C8A: variants seen among roughly 807,000 people sequenced by gnomAD.
C8A encodes complement C8 alpha chain, also known as complement component C8 alpha chain.
Under a neutral mutation model 65.3 loss-of-function variants are expected in C8A, and 67 were observed. The observed-to-expected ratio is 1.03, with a 90% CI of 0.84 to 1.26. The LOEUF (loss-of-function observed/expected upper bound fraction) is 1.26, where lower values mean the gene tolerates loss of function less well. C8A is among the 50% of genes most tolerant of loss of function. The pLI is 0.00. For synonymous variants in C8A, 290 were observed against 259.4 expected (o/e 1.12, Z -1.13); for missense variants, 781 against 723.9 (o/e 1.08, Z -0.90).
At position 56,874,003 on chromosome 1, in the gene C8A, G is replaced by C. The variant is rs376264560; in HGVS notation, c.172-946G>C. Among the ~76,000 whole-genome samples, 6 of 152,238 alleles carry C rather than the reference G, an allele frequency of 3.9e-5. No homozygotes were observed. The South Asian group carries it at 1.2e-3, about 32-fold the overall frequency. On this transcript the variant is annotated intron_variant, in intron 2 of 10. Transcript: ENST00000361249. The stretch of plus-strand genomic sequence containing the variant: ...GCGTGCATTTTAATTCCTTCCTTCT[G>C]TCAAGTGTCTATTTATCTGCAGTCA...
intron 6 of C8A, among the ~76,000 whole-genome samples, chr1:56,884,415 G>A (rs1458691773): frequency 6.6e-6 from 1 of 152,080 alleles, no homozygotes; most frequent in Admixed American, 6.6e-5. Flanking sequence ...TTAATTAGAA[G>A]CTTACTAAAA....
At position 56,869,809 on chromosome 1, in the gene C8A, C is replaced by T. The variant is rs114105585; in HGVS notation, c.171+2107C>T. 2.4e-3 allele frequency among the ~76,000 whole-genome samples: 361 copies of T among 152,204 alleles called. 1 individual carries two copies. The highest frequency in any genetic ancestry group is 7.9e-3 in the African/African-American group (329 of 41,528). ...TTCCTCTTCATTCTCAGTCCGATTGCCTTGAATTAATCCCTGCTTTTCTCT... is the reference window on the plus strand; with the variant it reads ...TTCCTCTTCATTCTCAGTCCGATTGTCTTGAATTAATCCCTGCTTTTCTCT... On this transcript the variant is annotated intron_variant, in intron 2 of 10. Transcript: ENST00000361249.
At chr1:56,855,411 A>G (rs987525185) in intron 1 of C8A, among the ~76,000 whole-genome samples, 2 of 152,188 alleles carry the variant, frequency 1.3e-5, no homozygotes, top group Non-Finnish European at 2.9e-5. Context: ...TCTGTAAAAG[A>G]GCATCATAAG....
intron 2 of C8A, among the ~76,000 whole-genome samples, chr1:56,868,997 A>T (rs1476389829): frequency 1.3e-5 from 2 of 152,164 alleles, no homozygotes; most frequent in Admixed American, 1.3e-4. Flanking sequence ...TGTTTAAGGA[A>T]TTCCAGATGT....
intron 6 of C8A, among the ~76,000 whole-genome samples, chr1:56,884,131 TG>T (rs1212354342): frequency 1.3e-5 from 2 of 151,792 alleles, no homozygotes; most frequent in Admixed American, 6.6e-5. Flanking sequence ...CCTATTATCC[TG>T]GGGGGTCAAT....
intron 7 of C8A, among the ~76,000 whole-genome samples, chr1:56,896,678 C>A (rs188169908): frequency 6.6e-6 from 1 of 152,166 alleles, no homozygotes; most frequent in South Asian, 2.1e-4. Flanking sequence ...AGGCATTCCA[C>A]GGCCCAGTCA....
rs193207732 is a variant in C8A, at chr1:56,907,014, C to T, written c.1222+222C>T. Among the ~76,000 whole-genome samples the T allele has an allele frequency of 4.7e-3, 721 of 152,184 alleles. 2 individuals carry two copies. Among genetic ancestry groups the T allele is most frequent in the Non-Finnish European group, 7.5e-3 (511 of 68,004 alleles). On this transcript the variant is annotated intron_variant, in intron 8 of 10. Coordinates refer to ENST00000361249, the MANE Select transcript of C8A (RefSeq NM_000562.3). ...GAAATACCTACCTTTATACGGGGCA[C>T]CCTCCTAGATTTCAAGGGTTAGACA...
Position 56,885,977 on chromosome 1 carries a change from G to A in C8A, c.906G>A (p.Lys302=), listed in dbSNP as rs377378202. The change falls in exon 7 of 11, where the codon AAG becomes AAA. Residue 302 remains lysine, a synonymous_variant. Transcript: ENST00000361249. ...IFTKVQTAHF[K]MRKDDIMLDE... The stretch of plus-strand genomic sequence containing the variant: ...CAAAGGTGCAGACTGCACATTTTAA[G>A]ATGAGGAAGGATGACATTATGCTGG... 3.1e-6 allele frequency: 5 copies of A among 1,613,888 alleles called. No homozygotes were observed. The African/African-American group carries it at 5.3e-5, about 17-fold the overall frequency.
intron 2 of C8A, among the ~76,000 whole-genome samples, chr1:56,869,804 G>T (rs956030187): frequency 6.2e-4 from 94 of 152,202 alleles, no homozygotes; most frequent in Admixed American, 2.0e-4. Flanking sequence ...TTCTCAGTCC[G>T]ATTGCCTTGA....
At chr1:56,883,815 G>T in intron 6 of C8A, 134 bp downstream of exon 6, 2 of 744,548 alleles carry the variant, frequency 2.7e-6, no homozygotes, top group Non-Finnish European at 4.4e-6. Context: ...TCTGATCAGT[G>T]GTAATCAGGT....
intron 2 of C8A, among the ~76,000 whole-genome samples, chr1:56,873,645 C>A (rs1351854321): frequency 6.6e-6 from 1 of 152,152 alleles, no homozygotes; most frequent in Non-Finnish European, 1.5e-5. Flanking sequence ...AGGTAGGAAA[C>A]CCACTTCTCT....
At chr1:56,886,344 C>G (rs970610902) in intron 7 of C8A, among the ~76,000 whole-genome samples, 177 bp downstream of exon 7, 6 of 152,140 alleles carry the variant, frequency 3.9e-5, no homozygotes, top group African/African-American at 1.4e-4. Context: ...AAGAGTGAGA[C>G]TTGCTAATAA....
intron 8 of C8A, 64 bp downstream of exon 8, chr1:56,906,856 G>A (rs1342781338): frequency 3.8e-6 from 6 of 1,597,622 alleles, no homozygotes; most frequent in African/African-American, 1.3e-5. Context: ...CACACACTGG[G>A]ACATGGAAGC....
Position 56,912,542 on chromosome 1 carries a change from T to A in C8A, c.1520T>A (p.Val507Glu), listed in dbSNP as rs928614250. The A allele has an allele frequency of 1.2e-6, 2 of 1,614,026 alleles. No homozygotes were observed. The highest frequency in any genetic ancestry group is 1.7e-6 in the Non-Finnish European group (2 of 1,180,030). The change falls in exon 10 of 11, where the codon GTG becomes GAG. Residue 507 changes from valine to glutamate, a missense_variant. Physicochemically the swap from Val to Glu is moderately radical, Grantham distance 121. Transcript: ENST00000361249. ...CRCGPCFNNG[V>E]PILEGTSCRC... The stretch of plus-strand genomic sequence containing the variant: ...TGTGGGCCTTGCTTCAACAATGGGG[T>A]GCCCATCCTCGAGGGCACCAGCTGC...
At chr1:56,897,303 G>C (rs1337441081) in intron 7 of C8A, among the ~76,000 whole-genome samples, 3 of 152,142 alleles carry the variant, frequency 2.0e-5, no homozygotes, top group African/African-American at 7.2e-5. Flanking sequence ...CTTAAGTACA[G>C]GCACAGAGCC....
At position 56,872,662 on chromosome 1, in the gene C8A, A is replaced by G. The variant is rs370599963; in HGVS notation, c.172-2287A>G. 1.3e-4 allele frequency among the ~76,000 whole-genome samples: 20 copies of G among 152,286 alleles called. No homozygotes were observed. In the East Asian group the frequency reaches 3.5e-3, roughly 26 times the overall value. The stretch of plus-strand genomic sequence containing the variant: ...AGATGAGAAGTCATTCTAAGAAGAA[A>G]AACCATGAACAAGAGTCTACAGCCA... On this transcript the variant is annotated intron_variant, in intron 2 of 10. Transcript: ENST00000361249.
rs747926625 is a variant in C8A at position 56,912,505 on chromosome 1, A to G, written c.1483A>G (p.Asn495Asp). The G allele has an allele frequency of 1.2e-6, 2 of 1,614,190 alleles. No individual in the cohort carries two copies. Among genetic ancestry groups the G allele is most frequent in the South Asian group, 2.2e-5 (2 of 91,086 alleles). ...RALDQYLMEF[N>D]ACRCGPCFNN... The stretch of plus-strand genomic sequence containing the variant: ...CTTGGACCAGTATCTGATGGAATTC[A>G]ATGCCTGCCGATGTGGGCCTTGCTT... The change falls in exon 10 of 11, where the codon AAT becomes GAT. Residue 495 changes from asparagine (N) to aspartate (D), a missense_variant. Transcript: ENST00000361249.
chr1:56,912,259 G>A (rs1291578277), intron 9 of C8A, 144 bp from the exon 10 acceptor site: 3 of 686,534 alleles, frequency 4.4e-6, no homozygotes, highest in South Asian at 1.8e-5. Flanking sequence ...TGGCTGTGAG[G>A]ATCCAAGGTG....
At chr1:56,865,841 T>C (rs918020263) in intron 1 of C8A, among the ~76,000 whole-genome samples, 19 of 152,198 alleles carry the variant, frequency 1.2e-4, no homozygotes, top group Admixed American at 2.0e-4. Context: ...GATGTTTAGA[T>C]ATTATACAGT....
Sources: allele counts gnomAD v4.1 joint callset (sites outside exome capture counted in the v4.1 genomes callset), GRCh38; gene constraint gnomAD v4.1.1; transcripts MANE v1.5; gene names NCBI Gene and HGNC (gene_info 2026-07-23, HGNC 2026-07-21).